Variants in GIPC2 observed in about 807,000 individuals in gnomAD.
The protein encoded by GIPC2 is PDZ domain-containing protein GIPC2.
Under a neutral mutation model 30.6 loss-of-function variants are expected in GIPC2, and 30 were observed. The observed-to-expected ratio is 0.98, with a 90% CI of 0.73 to 1.33. The LOEUF is 1.33. Among genes scored for constraint, GIPC2 ranks in the 40% most tolerant of loss-of-function variants. The pLI is 0.00. For synonymous variants in GIPC2, 167 were observed against 150.0 expected (o/e 1.11, Z -0.83); for missense variants, 414 against 390.3 (o/e 1.06, Z -0.51).
At chr1:78,051,552 T>C (rs992665282) in intron 1 of GIPC2, among the ~76,000 whole-genome samples, 10 of 152,052 alleles carry the variant, frequency 6.6e-5, no homozygotes, top group Non-Finnish European at 1.2e-4. Context: ...CAGGCTGGAG[T>C]GCAGTGGTGT....
intron 2 of GIPC2, 63 bp from the exon 3 acceptor site, chr1:78,094,889 T>G: frequency 9.7e-4 from 1,103 of 1,138,304 alleles, no homozygotes; most frequent in Non-Finnish European, 1.2e-3. Context: ...CAAGATCAGA[T>G]GAGATTGGTG....
chr1:78,133,323 T>A (rs1299072954), intron 5 of GIPC2, among the ~76,000 whole-genome samples: 1 of 152,226 alleles, frequency 6.6e-6, no homozygotes, highest in African/African-American at 2.4e-5. Context: ...GACCTTTTTA[T>A]TGAAAGTGTT....
chr1:78,106,277 C>T (rs115797237), intron 3 of GIPC2, among the ~76,000 whole-genome samples: 1,637 of 144,360 alleles, frequency 0.011, 11 homozygotes, highest in Admixed American at 0.017. Context: ...AGGCAGATTA[C>T]GGCAGGGTGT....
Position 78,047,787 on chromosome 1 carries a change from A to G in GIPC2, c.240+1453A>G, listed in dbSNP as rs533328534. On this transcript the variant is annotated intron_variant, in intron 1 of 5. Coordinates refer to ENST00000370759, the MANE Select transcript of GIPC2 (RefSeq NM_017655.6). ...ATAGTTTATGGTTAGGGCTTAATAC[A>G]TGGTAACTAATATGATTAATACCTA... 3.9e-5 allele frequency among the ~76,000 whole-genome samples: 6 copies of G among 152,360 alleles called. No homozygotes were observed. In the East Asian group the frequency reaches 7.7e-4, roughly 20 times the overall value.
At position 78,110,646 on chromosome 1, in the gene GIPC2, G is replaced by A. The variant is rs748848055; in HGVS notation, c.608-8747G>A. Among the ~76,000 whole-genome samples, 252 of 152,312 alleles carry A rather than the reference G, an allele frequency of 1.7e-3. 1 individual carries two copies. The highest frequency in any genetic ancestry group is 3.2e-3 in the Non-Finnish European group (215 of 68,004). On this transcript the variant is annotated intron_variant, in intron 3 of 5. Transcript: ENST00000370759. Reference sequence around the variant, plus strand: ...GAGTTGCCTAGGTGGGAGGGACTTGGAAATGTAACCTCTCCATTCATCGCT... The same window carrying A: ...GAGTTGCCTAGGTGGGAGGGACTTGAAAATGTAACCTCTCCATTCATCGCT...
At chr1:78,108,322 A>G (rs772351218) in intron 3 of GIPC2, among the ~76,000 whole-genome samples, 9 of 152,190 alleles carry the variant, frequency 5.9e-5, no homozygotes, top group Non-Finnish European at 1.0e-4. Context: ...TGTGCCTGCA[A>G]TTTCAGGGAG....
At chr1:78,078,838 GA>G (rs570693127) in intron 1 of GIPC2, among the ~76,000 whole-genome samples, 11,533 of 106,812 alleles carry the variant, frequency 0.11, 809 homozygotes, top group East Asian at 0.5. Flanking sequence ...AGATTCACCG[GA>G]AAAAAAAAAA....
At chr1:78,068,167 A>G (rs1661554799) in intron 1 of GIPC2, among the ~76,000 whole-genome samples, 2 of 150,036 alleles carry the variant, frequency 1.3e-5, no homozygotes, top group East Asian at 2.0e-4. Context: ...GTAGTTCTTC[A>G]TGTCGTATTT....
chr1:78,046,431 C>G (rs1236283624), intron 1 of GIPC2, 97 bp downstream of exon 1: 17 of 1,176,096 alleles, frequency 1.4e-5, no homozygotes, highest in Non-Finnish European at 2.0e-5. Flanking sequence ...CGGCGTTTCC[C>G]GGAGCGCGAA....
At chr1:78,114,911 A>T (rs1403274406) in intron 3 of GIPC2, among the ~76,000 whole-genome samples, 4 of 152,218 alleles carry the variant, frequency 2.6e-5, no homozygotes, top group Non-Finnish European at 5.9e-5. Flanking sequence ...TAGGGAGCAT[A>T]TGGAAACCTT....
intron 1 of GIPC2, among the ~76,000 whole-genome samples, chr1:78,078,967 A>G (rs554437784): frequency 1.3e-5 from 2 of 152,194 alleles, no homozygotes; most frequent in South Asian, 2.1e-4. Context: ...CCCTCAACCC[A>G]TTCACAGTGA....
intron 3 of GIPC2, among the ~76,000 whole-genome samples, chr1:78,111,399 C>T (rs1319345050): frequency 6.6e-6 from 1 of 152,156 alleles, no homozygotes; most frequent in East Asian, 1.9e-4. Context: ...CACTCATCCA[C>T]TTTAGAGGAC....
intron 1 of GIPC2, among the ~76,000 whole-genome samples, chr1:78,053,834 G>A (rs1571472440): frequency 6.6e-6 from 1 of 151,766 alleles, no homozygotes; most frequent in East Asian, 1.9e-4. Context: ...GGAGGCTGAG[G>A]TGGGAGGATC....
chr1:78,112,925 A>G (rs567282281), intron 3 of GIPC2, among the ~76,000 whole-genome samples: 13 of 152,326 alleles, frequency 8.5e-5, no homozygotes, highest in Admixed American at 3.3e-4. Context: ...AGCATTCGTT[A>G]TTTGGGTGAT....
At chr1:78,077,926 C>T (rs1205001534) in intron 1 of GIPC2, among the ~76,000 whole-genome samples, 1 of 152,062 alleles carries the variant, frequency 6.6e-6, no homozygotes, top group Non-Finnish European at 1.5e-5. Flanking sequence ...CGGTGGCTCA[C>T]GCCTGTAATC....
At chr1:78,051,604 A>T (rs1055785104) in intron 1 of GIPC2, among the ~76,000 whole-genome samples, 4 of 151,822 alleles carry the variant, frequency 2.6e-5, no homozygotes, top group African/African-American at 9.7e-5. Flanking sequence ...GGTTCAAGTG[A>T]TTCTCCTGCC....
intron 3 of GIPC2, among the ~76,000 whole-genome samples, chr1:78,110,758 C>G (rs1026334110): frequency 6.6e-6 from 1 of 152,210 alleles, no homozygotes; most frequent in African/African-American, 2.4e-5. Context: ...GCCTTGCTGT[C>G]TTTACCTGTG....
intron 1 of GIPC2, 102 bp downstream of exon 1, chr1:78,046,436 C>G: frequency 9.1e-7 from 1 of 1,101,302 alleles, no homozygotes; most frequent in East Asian, 2.7e-5. Context: ...TTTCCCGGAG[C>G]GCGAAATCCG....
intron 4 of GIPC2, among the ~76,000 whole-genome samples, chr1:78,122,578 C>A (rs1434222179): frequency 6.6e-6 from 1 of 152,148 alleles, no homozygotes; most frequent in Non-Finnish European, 1.5e-5. Context: ...CTTTTGAAAC[C>A]ATGAGATCTT....
Sources: allele counts gnomAD v4.1 joint callset (sites outside exome capture counted in the v4.1 genomes callset), GRCh38; gene constraint gnomAD v4.1.1; transcripts MANE v1.5; gene names NCBI Gene and HGNC (gene_info 2026-07-23, HGNC 2026-07-21).